EPHA6: variants seen among roughly 807,000 people sequenced by gnomAD.
The protein encoded by EPHA6 is ephrin type-A receptor 6.
A neutral mutation model predicts 112.0 loss-of-function variants in EPHA6; 50 were observed. That is an observed-to-expected ratio of 0.45 (90% CI 0.36 to 0.56). The LOEUF is 0.56. EPHA6 is among the 20% of genes least tolerant of loss of function. EPHA6 has a pLI of 0.00. For missense variants in EPHA6, 1,280 were observed against 1,417.4 expected (o/e 0.90, Z 1.56); for synonymous variants, 529 against 490.7 (o/e 1.08, Z -1.03).
chr3:97,223,667 C>G (rs1170018194), intron 3 of EPHA6, among the ~76,000 whole-genome samples: 1 of 152,100 alleles, frequency 6.6e-6, no homozygotes, highest in African/African-American at 2.4e-5. Flanking sequence ...AGTCATAATA[C>G]AGTCTTATAC....
intron 3 of EPHA6, among the ~76,000 whole-genome samples, chr3:97,018,911 G>A (rs1335850707): frequency 6.6e-5 from 10 of 152,164 alleles, no homozygotes; most frequent in Admixed American, 4.6e-4. Context: ...CTTCCCAGAC[G>A]CTGGCGTTAC....
intron 14 of EPHA6, among the ~76,000 whole-genome samples, chr3:97,717,703 G>A (rs1157657154): frequency 1.3e-5 from 2 of 152,160 alleles, no homozygotes; most frequent in Non-Finnish European, 2.9e-5. Context: ...AGGCTTCAAT[G>A]TATGAATTTT....
At chr3:97,739,948 C>T (rs2035428877) in intron 16 of EPHA6, among the ~76,000 whole-genome samples, 1 of 152,012 alleles carries the variant, frequency 6.6e-6, no homozygotes, top group South Asian at 2.1e-4. Flanking sequence ...CATGCACAGC[C>T]CTTGGGAGAA....
intron 14 of EPHA6, among the ~76,000 whole-genome samples, chr3:97,641,846 G>A (rs891917964): frequency 1.1e-4 from 16 of 151,958 alleles, no homozygotes; most frequent in South Asian, 4.2e-4. Flanking sequence ...ACTGCAAGGC[G>A]GCAGCGAGGC....
chr3:97,002,794 C>T (rs1012142262), intron 3 of EPHA6, among the ~76,000 whole-genome samples: 1 of 151,594 alleles, frequency 6.6e-6, no homozygotes, highest in Non-Finnish European at 1.5e-5. Context: ...AAATGCATTG[C>T]AATATAAAGG....
At chr3:97,149,128 GT>G (rs1418113014) in intron 3 of EPHA6, among the ~76,000 whole-genome samples, 1 of 152,018 alleles carries the variant, frequency 6.6e-6, no homozygotes, top group Non-Finnish European at 1.5e-5. Flanking sequence ...AAGATGACAG[GT>G]TTTTTTGGCT....
chr3:97,474,573 A>G (rs1391055833), intron 7 of EPHA6, among the ~76,000 whole-genome samples: 2 of 151,940 alleles, frequency 1.3e-5, no homozygotes, highest in Non-Finnish European at 2.9e-5. Flanking sequence ...TATTCCACTC[A>G]TTGAAAATTA....
chr3:97,273,432 T>C (rs1277379829), intron 5 of EPHA6, among the ~76,000 whole-genome samples: 2 of 152,082 alleles, frequency 1.3e-5, no homozygotes, highest in East Asian at 3.9e-4. Context: ...GACAAGTTTT[T>C]TGGGGGCACA....
At chr3:97,292,614 C>T (rs930993064) in intron 5 of EPHA6, among the ~76,000 whole-genome samples, 4 of 152,242 alleles carry the variant, frequency 2.6e-5, no homozygotes, top group African/African-American at 9.6e-5. Context: ...CAGCAAGCAT[C>T]CAGCTCACAA....
chr3:97,117,923 C>A (rs1188281637), intron 3 of EPHA6, among the ~76,000 whole-genome samples: 7 of 151,750 alleles, frequency 4.6e-5, no homozygotes, highest in African/African-American at 1.7e-4. Flanking sequence ...AACTCTGTAT[C>A]ATTTTTTGCT....
chr3:97,297,460 T>C lies in EPHA6; in HGVS notation c.1606+53173T>C, dbSNP rs549512311. ...TGATGTCAATTTTTAGGTGAATCTC[T>C]TCTCTAGCTCTAAATTTAATTAAAG... On this transcript the variant is annotated intron_variant, in intron 5 of 17. Coordinates refer to ENST00000389672, the MANE Select transcript of EPHA6 (RefSeq NM_001080448.3). Among the ~76,000 whole-genome samples the C allele has an allele frequency of 3.9e-5, 6 of 152,362 alleles. No homozygotes were observed. The South Asian group carries it at 1.2e-3, about 32-fold the overall frequency.
chr3:97,226,216 G>C (rs2078351157), intron 3 of EPHA6, 48 bp from the exon 4 acceptor site: 1 of 1,497,914 alleles, frequency 6.7e-7, no homozygotes, highest in Non-Finnish European at 9.1e-7. Context: ...ACAAATAAAA[G>C]AATCCTAGCA....
intron 3 of EPHA6, among the ~76,000 whole-genome samples, chr3:97,112,917 C>T (rs1468183797): frequency 6.6e-6 from 1 of 152,056 alleles, no homozygotes; most frequent in Non-Finnish European, 1.5e-5. Flanking sequence ...CTTAATAACT[C>T]AGAATCATTG....
intron 6 of EPHA6, among the ~76,000 whole-genome samples, chr3:97,419,817 C>G (rs764181071): frequency 2.0e-5 from 3 of 152,058 alleles, no homozygotes; most frequent in Non-Finnish European, 2.9e-5. Context: ...AAAGATTGAT[C>G]AAAATTTAGG....
chr3:97,472,435 T>G (rs975004659), intron 7 of EPHA6, among the ~76,000 whole-genome samples: 1 of 151,694 alleles, frequency 6.6e-6, no homozygotes, highest in Non-Finnish European at 1.5e-5. Context: ...TTTGGCTCAT[T>G]CAAGGACTTG....
intron 3 of EPHA6, among the ~76,000 whole-genome samples, chr3:97,032,331 G>A (rs185882688): frequency 1.3e-5 from 2 of 152,178 alleles, no homozygotes; most frequent in Admixed American, 1.3e-4. Context: ...AAAGCATTAG[G>A]AGATATACCT....
intron 5 of EPHA6, among the ~76,000 whole-genome samples, chr3:97,378,814 G>A (rs2085538138): frequency 6.6e-6 from 1 of 151,720 alleles, no homozygotes; most frequent in African/African-American, 2.4e-5. Context: ...TACCCCCATT[G>A]TATCTAGGAA....
At chr3:96,815,350 G>C (rs529058417) in intron 1 of EPHA6, among the ~76,000 whole-genome samples, 1 of 152,270 alleles carries the variant, frequency 6.6e-6, no homozygotes, top group African/African-American at 2.4e-5. Flanking sequence ...GGAGACTTCT[G>C]GCTCTTTGGT....
Position 97,135,963 on chromosome 3 carries a change from A to G in EPHA6, c.1115-90301A>G, listed in dbSNP as rs539747874. ...TTGTCTGAGATTGAAGCCAATATCCATGCTGCATTATATAGACGGAGTCTT... is the reference window on the plus strand; with the variant it reads ...TTGTCTGAGATTGAAGCCAATATCCGTGCTGCATTATATAGACGGAGTCTT... On this transcript the variant is annotated intron_variant, in intron 3 of 17. Coordinates refer to ENST00000389672, the MANE Select transcript of EPHA6 (RefSeq NM_001080448.3). 5.3e-5 allele frequency among the ~76,000 whole-genome samples: 8 copies of G among 152,312 alleles called. No individual in the cohort carries two copies. The South Asian group carries it at 1.0e-3, about 20-fold the overall frequency.
Sources: allele counts gnomAD v4.1 joint callset (sites outside exome capture counted in the v4.1 genomes callset), GRCh38; gene constraint gnomAD v4.1.1; transcripts MANE v1.5; gene names NCBI Gene and HGNC (gene_info 2026-07-23, HGNC 2026-07-21).